Variants in PRICKLE1 observed in about 807,000 individuals in gnomAD.
PRICKLE1 encodes prickle planar cell polarity protein 1, also known as prickle-like protein 1.
PRICKLE1 carries 14 observed loss-of-function variants against 70.2 expected under a neutral mutation model. The observed-to-expected ratio is 0.20, with a 90% confidence interval of 0.13 to 0.31. The LOEUF (loss-of-function observed/expected upper bound fraction) is 0.31. PRICKLE1 is among the 10% of genes least tolerant of loss of function. The pLI, the probability that PRICKLE1 is intolerant of heterozygous loss-of-function variation, is 1.00. For missense variants in PRICKLE1, 821 were observed against 1,026.2 expected, an observed-to-expected ratio of 0.80 and a Z score of 2.73; for synonymous variants, 357 against 379.9, an observed-to-expected ratio of 0.94 and a Z score of 0.70.
chr12:42,583,513 T>G (rs749584918), intron 1 of PRICKLE1, among the ~76,000 whole-genome samples: 5 of 152,190 alleles, frequency 3.3e-5, no homozygotes, highest in Non-Finnish European at 7.3e-5. Context: ...TCACACCTTC[T>G]CCTATATTTC....
At chr12:42,535,606 A>G (rs1345000782) in intron 1 of PRICKLE1, among the ~76,000 whole-genome samples, 2 of 152,156 alleles carry the variant, frequency 1.3e-5, no homozygotes, top group East Asian at 3.9e-4. Context: ...CAGCCAACAG[A>G]GTAGGAAGCA....
At chr12:42,550,334 A>T (rs1401635751) in intron 1 of PRICKLE1, 1 of 150,706 alleles carries the variant, frequency 6.6e-6, no homozygotes, top group East Asian at 1.9e-4. Context: ...CCTTATCTTA[A>T]AAGAAAGAAA....
intron 1 of PRICKLE1, among the ~76,000 whole-genome samples, chr12:42,535,981 G>A (rs1379529280): frequency 1.3e-5 from 2 of 152,164 alleles, no homozygotes; most frequent in African/African-American, 4.8e-5. Flanking sequence ...GGAAGCACAG[G>A]CTGGTACACT....
chr12:42,462,782 T>C (rs1284606373), intron 7 of PRICKLE1, among the ~76,000 whole-genome samples: 1 of 152,232 alleles, frequency 6.6e-6, no homozygotes, highest in African/African-American at 2.4e-5. Flanking sequence ...TGTCAGTAGT[T>C]TGACTATAAA....
At chr12:42,575,209 G>T (rs963006929) in intron 1 of PRICKLE1, among the ~76,000 whole-genome samples, 2 of 152,160 alleles carry the variant, frequency 1.3e-5, no homozygotes, top group East Asian at 3.9e-4. Context: ...CACCTGGTAG[G>T]TTGGCCAGGT....
chr12:42,584,091 A>C (rs1940948061), intron 1 of PRICKLE1, among the ~76,000 whole-genome samples: 1 of 152,214 alleles, frequency 6.6e-6, no homozygotes, highest in Non-Finnish European at 1.5e-5. Flanking sequence ...CCCACAGAGG[A>C]GGCAGATTTG....
intron 1 of PRICKLE1, among the ~76,000 whole-genome samples, chr12:42,494,222 G>A (rs1395858352): frequency 6.6e-6 from 1 of 152,214 alleles, no homozygotes; most frequent in Non-Finnish European, 1.5e-5. Context: ...GTTGGTAAAG[G>A]TTGGGATGAT....
At chr12:42,526,186 G>T (rs552306132) in intron 1 of PRICKLE1, among the ~76,000 whole-genome samples, 1 of 152,140 alleles carries the variant, frequency 6.6e-6, no homozygotes, top group Non-Finnish European at 1.5e-5. Flanking sequence ...GTGCATTCAC[G>T]ATTCATGGGT....
rs1474090419 is a variant in PRICKLE1 at position 42,536,976 on chromosome 12, C to T, written c.-49+52489G>A. Among the ~76,000 whole-genome samples the T allele has an allele frequency of 2.6e-5, 4 of 152,270 alleles. No homozygotes were observed. The East Asian group carries it at 5.8e-4, about 22-fold the overall frequency. On this transcript the variant is annotated intron_variant, in intron 1 of 7. Coordinates refer to ENST00000345127, the MANE Select transcript of PRICKLE1 (RefSeq NM_153026.3). ...CTCTTAAATTAACTCTTTGGTAAAA[C>T]TACATGTAATCCACCTATAGAGTTG... is the stretch of plus-strand genomic sequence containing the variant.
Position 42,459,669 on chromosome 12 carries a change from G to A in PRICKLE1, c.*140C>T. 1 of 970,702 alleles carries A rather than the reference G, an allele frequency of 1.0e-6. No homozygotes were observed. 60.1% of individuals were successfully genotyped at this position (970,702 alleles called of 1,614,324 possible). A position where few individuals can be genotyped will look rare whatever the true frequency, so the allele number is the denominator to read the frequency against. On this transcript the variant is annotated 3_prime_UTR_variant, in exon 8 of 8. Coordinates refer to ENST00000345127, the MANE Select transcript of PRICKLE1 (RefSeq NM_153026.3). ...ACCTTTCAAATGTTAATCTGACACT[G>A]TAAACAGCAGTTGAGTTCTCATTTA...
At chr12:42,527,437 TA>T (rs535330507) in intron 1 of PRICKLE1, among the ~76,000 whole-genome samples, 39 of 152,274 alleles carry the variant, frequency 2.6e-4, no homozygotes, top group African/African-American at 9.4e-4. Flanking sequence ...CCGCCCAGCC[TA>T]AAGGTGTGTA....
At chr12:42,498,442 G>C (rs145235393) in intron 1 of PRICKLE1, among the ~76,000 whole-genome samples, 1 of 152,096 alleles carries the variant, frequency 6.6e-6, no homozygotes, top group Admixed American at 6.5e-5. Context: ...CCAAAGTGTT[G>C]GGATTACAGG....
intron 1 of PRICKLE1, among the ~76,000 whole-genome samples, chr12:42,540,768 T>G (rs1464307547): frequency 6.6e-6 from 1 of 151,970 alleles, no homozygotes; most frequent in Non-Finnish European, 1.5e-5. Context: ...ACTATGTTGG[T>G]CAGGCTGGTC....
intron 1 of PRICKLE1, among the ~76,000 whole-genome samples, chr12:42,489,484 AC>A (rs1459635998): frequency 1.0e-4 from 15 of 149,850 alleles, no homozygotes; most frequent in African/African-American, 3.7e-4. Flanking sequence ...ACATGGTGAA[AC>A]CCCGTCTCTA....
At chr12:42,571,757 T>C (rs929957774) in intron 1 of PRICKLE1, among the ~76,000 whole-genome samples, 4 of 152,244 alleles carry the variant, frequency 2.6e-5, no homozygotes, top group Non-Finnish European at 4.4e-5. Context: ...TCATTTGCTA[T>C]AGAGGCCAAT....
intron 7 of PRICKLE1, among the ~76,000 whole-genome samples, chr12:42,461,926 G>A (rs956672532): frequency 1.3e-4 from 20 of 151,992 alleles, no homozygotes; most frequent in African/African-American, 4.4e-4. Context: ...AGCCTCCCGA[G>A]TAGCTGGGAT....
chr12:42,582,173 T>A (rs951488708), intron 1 of PRICKLE1, among the ~76,000 whole-genome samples: 1 of 152,240 alleles, frequency 6.6e-6, no homozygotes. Context: ...GGAACTTGTA[T>A]GATTAAGTTA....
intron 1 of PRICKLE1, among the ~76,000 whole-genome samples, chr12:42,515,162 C>T (rs780693702): frequency 6.6e-6 from 1 of 151,922 alleles, no homozygotes; most frequent in Non-Finnish European, 1.5e-5. Context: ...TCAAGTGATC[C>T]GCCCACCTTG....
intron 1 of PRICKLE1, among the ~76,000 whole-genome samples, chr12:42,501,518 AAAAAAAAAAAAAG>A (rs1463401797): frequency 1.4e-5 from 2 of 138,736 alleles, no homozygotes; most frequent in South Asian, 2.4e-4. Flanking sequence ...CAAAAAAAAA[AAAAAAAAAAAAAG>A]AAAAGAAAAG....
Sources: gnomAD v4.1 joint callset for allele counts (sites outside exome capture counted in the v4.1 genomes callset) on GRCh38, gnomAD v4.1.1 for gene constraint, MANE v1.5 for transcripts, NCBI Gene and HGNC (gene_info 2026-07-23, HGNC 2026-07-21) for gene names.